The following PDSS2 variants were observed in gnomAD, a reference collection of about 807,000 sequenced individuals.
PDSS2 encodes the protein decaprenyl diphosphate synthase subunit 2, also known as all trans-polyprenyl-diphosphate synthase PDSS2.
PDSS2 carries 31 observed loss-of-function variants against 44.5 expected under a neutral mutation model. The ratio of observed to expected loss-of-function variants is 0.70; its 90% CI spans 0.52 to 0.94. The LOEUF (loss-of-function observed/expected upper bound fraction) is 0.94, where lower values mean the gene tolerates loss of function less well. Ranked by LOEUF, PDSS2 falls within the 40% of genes least tolerant of loss-of-function variation. The pLI is 0.00. For missense variants in PDSS2, 452 were observed against 482.2 expected (o/e 0.94, Z 0.59); for synonymous variants, 157 against 180.3 (o/e 0.87, Z 1.03).
At chr6:107,426,667 G>A (rs1041941307) in intron 1 of PDSS2, among the ~76,000 whole-genome samples, 1 of 152,192 alleles carries the variant, frequency 6.6e-6, no homozygotes, top group Non-Finnish European at 1.5e-5. Flanking sequence ...GGGCAGAGCT[G>A]CCCAAGACCA....
rs569118596 is a variant in PDSS2, at chr6:107,156,794, C to T, written c.1042-2017G>A. ...GTGACTGTAATGAGCACCACAGTGCCTCGCCCACCTGTGGCAGCCGAGGTT... is the reference window on the plus strand; with the variant it reads ...GTGACTGTAATGAGCACCACAGTGCTTCGCCCACCTGTGGCAGCCGAGGTT... On this transcript the variant is annotated intron_variant, in intron 7 of 7. Coordinates refer to ENST00000369037, the MANE Select transcript of PDSS2 (RefSeq NM_020381.4). 9.9e-4 allele frequency among the ~76,000 whole-genome samples: 150 copies of T among 152,274 alleles called. 2 individuals are homozygous for T. The highest frequency in any genetic ancestry group is 2.1e-4 in the Non-Finnish European group (14 of 68,024).
chr6:107,410,804 GT>G (rs536744807), intron 1 of PDSS2, among the ~76,000 whole-genome samples: 1 of 151,672 alleles, frequency 6.6e-6, no homozygotes, highest in East Asian at 2.0e-4. Flanking sequence ...CATCTACCCT[GT>G]TTTTTTTCAC....
rs998608901 is a variant in PDSS2 at position 107,154,060 on chromosome 6, A to C, written c.*559T>G. 2 of 153,578 alleles carry C rather than the reference A, an allele frequency of 1.3e-5. No individual in the cohort carries two copies. Among genetic ancestry groups the C allele is most frequent in the Non-Finnish European group, 2.9e-5 (2 of 69,578 alleles). 9.5% of individuals were successfully genotyped at this position (153,578 alleles called of 1,614,324 possible). On this transcript the variant is annotated 3_prime_UTR_variant, in exon 8 of 8. Coordinates refer to ENST00000369037, the MANE Select transcript of PDSS2 (RefSeq NM_020381.4). ...ATTGCACTCCAGCCTGGGCAACAAG[A>C]GCAAAACTACATCTAAAAAAAAAAT...
chr6:107,220,735 A>G (rs1439687770), intron 4 of PDSS2, among the ~76,000 whole-genome samples: 1 of 152,200 alleles, frequency 6.6e-6, no homozygotes, highest in African/African-American at 2.4e-5. Flanking sequence ...CGATTAATTT[A>G]TAGTCCCCTG....
intron 7 of PDSS2, among the ~76,000 whole-genome samples, chr6:107,159,799 T>C (rs1240220041): frequency 1.3e-5 from 2 of 152,208 alleles, no homozygotes; most frequent in Non-Finnish European, 2.9e-5. Flanking sequence ...ACTTCTAGGT[T>C]AGCACCTTTA....
intron 1 of PDSS2, among the ~76,000 whole-genome samples, chr6:107,426,576 G>T (rs951878660): frequency 6.6e-6 from 1 of 152,152 alleles, no homozygotes; most frequent in Non-Finnish European, 1.5e-5. Flanking sequence ...AGCTTGTACC[G>T]TGTGCCCAGA....
At chr6:107,312,552 C>G (rs1192444250) in intron 2 of PDSS2, among the ~76,000 whole-genome samples, 1 of 152,164 alleles carries the variant, frequency 6.6e-6, no homozygotes, top group Non-Finnish European at 1.5e-5. Flanking sequence ...GGTAACAGCA[C>G]TTATCTCTTA....
In PDSS2 at chr6:107,429,901, A is replaced by AT. The variant is rs1554280467; in HGVS notation, c.296+29088_296+29089insA. ...CTTAGTCTCAAAAAAAAAAAAAAAA[A>AT]ATATATATATATATATATATATATA... On this transcript the variant is annotated intron_variant, in intron 1 of 7. Transcript: ENST00000369037. Among the ~76,000 whole-genome samples, 6 of 31,820 alleles carry AT rather than the reference A, an allele frequency of 1.9e-4. No individual in the cohort carries two copies. In the Admixed American group the frequency reaches 2.9e-3, roughly 15 times the overall value. The allele number at this position is 31,820 out of a possible 152,430, so 20.9% of individuals were successfully genotyped here. A position where few individuals can be genotyped will look rare whatever the true frequency, so the allele number is the denominator to read the frequency against.
intron 2 of PDSS2, among the ~76,000 whole-genome samples, chr6:107,278,519 T>C (rs1775863841): frequency 6.6e-6 from 1 of 152,216 alleles, no homozygotes; most frequent in South Asian, 2.1e-4. Context: ...ATAATGAGAT[T>C]ATGGGCAAGT....
At chr6:107,350,934 T>C (rs1045992900) in intron 1 of PDSS2, among the ~76,000 whole-genome samples, 1 of 152,046 alleles carries the variant, frequency 6.6e-6, no homozygotes, top group African/African-American at 2.4e-5. Flanking sequence ...CAAATACAGA[T>C]TTTGCTTTAA....
intron 6 of PDSS2, among the ~76,000 whole-genome samples, chr6:107,200,884 C>T (rs1219201028): frequency 6.6e-6 from 1 of 152,066 alleles, no homozygotes; most frequent in Non-Finnish European, 1.5e-5. Context: ...CAGGTAGTCT[C>T]AAACTCCTGT....
intron 1 of PDSS2, among the ~76,000 whole-genome samples, chr6:107,448,089 G>C (rs2086205): frequency 6.6e-5 from 10 of 152,268 alleles, no homozygotes; most frequent in South Asian, 4.1e-4. Flanking sequence ...CATACAGCAG[G>C]GGGGGCTGGA....
chr6:107,207,754 C>T (rs539198984), intron 6 of PDSS2, among the ~76,000 whole-genome samples: 3 of 151,486 alleles, frequency 2.0e-5, no homozygotes, highest in South Asian at 2.1e-4. Context: ...GGATTACAGG[C>T]CCGGGCCACC....
chr6:107,310,579 T>C (rs990246210), intron 2 of PDSS2, among the ~76,000 whole-genome samples: 1 of 152,204 alleles, frequency 6.6e-6, no homozygotes, highest in African/African-American at 2.4e-5. Context: ...GAGAATCATT[T>C]ACAAACCACT....
intron 1 of PDSS2, among the ~76,000 whole-genome samples, chr6:107,446,575 C>T (rs952831323): frequency 6.6e-6 from 1 of 152,150 alleles, no homozygotes; most frequent in African/African-American, 2.4e-5. Context: ...TAAGGAAATA[C>T]CCAAGACTGG....
intron 3 of PDSS2, among the ~76,000 whole-genome samples, chr6:107,259,789 G>A (rs2114873402): frequency 6.6e-6 from 1 of 152,194 alleles, no homozygotes. Flanking sequence ...AGCTTTACAT[G>A]TCATCTCTAG....
intron 2 of PDSS2, among the ~76,000 whole-genome samples, chr6:107,292,476 C>G (rs946291861): frequency 2.0e-5 from 3 of 152,130 alleles, no homozygotes; most frequent in African/African-American, 7.2e-5. Flanking sequence ...GGTAGTCATA[C>G]TTGAAAGAGC....
rs577967089 is a variant in PDSS2 at position 107,281,392 on chromosome 6, T to C, written c.432-7165A>G. On this transcript the variant is annotated intron_variant, in intron 2 of 7. Transcript: ENST00000369037. ...TTTGTTAGAGTCTTGTTGTAAGTCT[T>C]GTTAGAGTCTTGTTATATGCAGCCA... is the stretch of plus-strand genomic sequence containing the variant. Among the ~76,000 whole-genome samples the C allele has an allele frequency of 4.6e-5, 7 of 152,324 alleles. No individual in the cohort carries two copies. The South Asian group carries it at 1.5e-3, about 32-fold the overall frequency.
chr6:107,188,321 G>C (rs1260074903), intron 7 of PDSS2, among the ~76,000 whole-genome samples: 1 of 152,000 alleles, frequency 6.6e-6, no homozygotes, highest in African/African-American at 2.4e-5. Context: ...GGAAGTTTCA[G>C]TGAGCTAAGG....
Sources: allele counts gnomAD v4.1 joint callset (sites outside exome capture counted in the v4.1 genomes callset), GRCh38; gene constraint gnomAD v4.1.1; transcripts MANE v1.5; gene names NCBI Gene and HGNC (gene_info 2026-07-23, HGNC 2026-07-21).